MCPH1: variants seen among roughly 807,000 people sequenced by gnomAD.
The protein encoded by MCPH1 is microcephalin 1.
In MCPH1, 104 loss-of-function variants were observed where a neutral mutation model predicts 84.5. That is an observed-to-expected ratio of 1.23 (90% CI 1.05 to 1.45). The LOEUF is 1.45. Ranked by LOEUF, MCPH1 falls within the 40% of genes most tolerant of loss-of-function variation. MCPH1 has a pLI of 0.00. For synonymous variants in MCPH1, 514 were observed against 366.8 expected (o/e 1.40, Z -4.58); for missense variants, 1,498 against 1,005.7 (o/e 1.49, Z -6.62).
chr8:6,461,646 G>T (rs1231368056), intron 9 of MCPH1, among the ~76,000 whole-genome samples: 1 of 152,090 alleles, frequency 6.6e-6, no homozygotes, highest in African/African-American at 2.4e-5. Context: ...GGCCTGGTGA[G>T]ACTTTATTTG....
At chr8:6,459,058 A>C (rs1033146472) in intron 9 of MCPH1, among the ~76,000 whole-genome samples, 6 of 152,208 alleles carry the variant, frequency 3.9e-5, no homozygotes, top group Admixed American at 2.6e-4. Flanking sequence ...AGAAACACTA[A>C]AATTTAGTTT....
At chr8:6,607,633 A>C (rs576300006) in intron 12 of MCPH1, among the ~76,000 whole-genome samples, 2 of 152,144 alleles carry the variant, frequency 1.3e-5, no homozygotes, top group Non-Finnish European at 2.9e-5. Context: ...CCAGTGGGAG[A>C]TAATCGAATC....
chr8:6,498,280 C>T (rs923485458), intron 11 of MCPH1, among the ~76,000 whole-genome samples: 1 of 152,176 alleles, frequency 6.6e-6, no homozygotes, highest in Non-Finnish European at 1.5e-5. Flanking sequence ...ACAGCCTTAC[C>T]TGTGCTCTTT....
chr8:6,505,023 AAAT>A (rs1371998939), intron 12 of MCPH1, among the ~76,000 whole-genome samples: 5 of 151,696 alleles, frequency 3.3e-5, no homozygotes, highest in Admixed American at 3.3e-4. Context: ...AAAATAGAGA[AAAT>A]AATTATGATT....
At chr8:6,607,668 G>T (rs1829900352) in intron 12 of MCPH1, among the ~76,000 whole-genome samples, 1 of 152,162 alleles carries the variant, frequency 6.6e-6, no homozygotes, top group African/African-American at 2.4e-5. Context: ...CCCCCATACA[G>T]TTCTCATGGT....
intron 12 of MCPH1, chr8:6,532,498 A>G: frequency 6.2e-7 from 1 of 1,608,774 alleles, no homozygotes. Context: ...CTAGAAAAGA[A>G]CAGTGTTAGA....
At chr8:6,461,515 T>A (rs77180241) in intron 9 of MCPH1, among the ~76,000 whole-genome samples, 1 of 151,282 alleles carries the variant, frequency 6.6e-6, no homozygotes, top group Admixed American at 6.6e-5. Context: ...TTTTTTTTTT[T>A]AATTAGTAGA....
chr8:6,574,328 G>A (rs931021250), intron 12 of MCPH1, among the ~76,000 whole-genome samples: 4 of 151,944 alleles, frequency 2.6e-5, no homozygotes, highest in African/African-American at 4.8e-5. Flanking sequence ...TGGCCTCATC[G>A]TCTCATGGTA....
intron 3 of MCPH1, among the ~76,000 whole-genome samples, chr8:6,417,706 C>T (rs186560041): frequency 1.1e-3 from 168 of 152,110 alleles, no homozygotes; most frequent in Middle Eastern, 6.8e-3. Context: ...TTCCTGTCTT[C>T]GGTTATGAGT....
chr8:6,417,672 A>T (rs1799510596), intron 3 of MCPH1, among the ~76,000 whole-genome samples: 1 of 152,060 alleles, frequency 6.6e-6, no homozygotes, highest in East Asian at 1.9e-4. Flanking sequence ...TTTCGGTTTC[A>T]TGTGAGATTT....
chr8:6,552,078 A>G (rs1823746058), intron 12 of MCPH1, among the ~76,000 whole-genome samples: 1 of 152,240 alleles, frequency 6.6e-6, no homozygotes, highest in Non-Finnish European at 1.5e-5. Context: ...ACCCAAAGAA[A>G]ATCAGAGGAA....
chr8:6,547,033 C>A (rs749552665), intron 12 of MCPH1, among the ~76,000 whole-genome samples: 2 of 152,092 alleles, frequency 1.3e-5, no homozygotes, highest in African/African-American at 4.8e-5. Flanking sequence ...GTTCTCAGAG[C>A]AACATGCACG....
chr8:6,415,638 G>C (rs867762175), intron 3 of MCPH1, among the ~76,000 whole-genome samples: 4 of 152,184 alleles, frequency 2.6e-5, no homozygotes, highest in Admixed American at 6.5e-5. Context: ...ACAGGTGTGA[G>C]CCACCGTGCG....
At chr8:6,479,781 G>C (rs1438777421) in intron 10 of MCPH1, among the ~76,000 whole-genome samples, 1 of 152,110 alleles carries the variant, frequency 6.6e-6, no homozygotes, top group Non-Finnish European at 1.5e-5. Flanking sequence ...AGGGTTGTTT[G>C]GTAAGGAAGT....
intron 13 of MCPH1, among the ~76,000 whole-genome samples, chr8:6,631,424 C>T (rs968006363): frequency 4.6e-5 from 7 of 151,666 alleles, no homozygotes; most frequent in East Asian, 1.9e-4. Flanking sequence ...TTGCAAATAA[C>T]GGGTTAATCT....
In MCPH1 at chr8:6,445,083, G is replaced by T; in HGVS notation, c.1361G>T (p.Ser454Ile). Residue 454 changes from serine (S) to isoleucine (I), a missense_variant, in exon 8 of 14, where the codon AGC becomes ATC. Ser to Ile is a moderately radical substitution (Grantham distance 142). Transcript: ENST00000344683. ...AGTCTTTCTAAGAAGGAGAGAACAA[G>T]CATATTTGAAATGTCTGATTTTTCC... ...CRSLSKKERT[S>I]IFEMSDFSCV... 2 of 1,614,260 alleles carry T rather than the reference G, an allele frequency of 1.2e-6. No homozygotes were observed. The highest frequency in any genetic ancestry group is 1.7e-6 in the Non-Finnish European group (2 of 1,180,058).
chr8:6,432,137 A>G (rs2916763), intron 4 of MCPH1, among the ~76,000 whole-genome samples: 2,261 of 152,290 alleles, frequency 0.015, 55 homozygotes, highest in African/African-American at 0.051. Flanking sequence ...CGTATACCTA[A>G]GAAAGAATTG....
At chr8:6,584,823 A>C (rs1827842632) in intron 12 of MCPH1, among the ~76,000 whole-genome samples, 1 of 152,186 alleles carries the variant, frequency 6.6e-6, no homozygotes, top group Non-Finnish European at 1.5e-5. Context: ...TCTTTTGCCA[A>C]ACAGGTTTGG....
At chr8:6,422,216 C>G (rs527699094) in intron 3 of MCPH1, among the ~76,000 whole-genome samples, 1 of 152,252 alleles carries the variant, frequency 6.6e-6, no homozygotes, top group African/African-American at 2.4e-5. Context: ...TCTAGTAAGT[C>G]TAACATTCAT....
Sources: allele counts gnomAD v4.1 joint callset (sites outside exome capture counted in the v4.1 genomes callset), GRCh38; gene constraint gnomAD v4.1.1; transcripts MANE v1.5; gene names NCBI Gene and HGNC (gene_info 2026-07-23, HGNC 2026-07-21).